The following SMYD3 variants were observed in gnomAD, a reference collection of about 807,000 sequenced individuals.
SMYD3 encodes the protein histone-lysine N-methyltransferase SMYD3.
In SMYD3, 36 loss-of-function variants were observed where a neutral mutation model predicts 57.7. The observed-to-expected ratio is 0.62, with a 90% CI of 0.48 to 0.82. The LOEUF is 0.82. SMYD3 is among the 40% of genes least tolerant of loss of function. SMYD3 has a pLI of 0.00. For synonymous variants in SMYD3, 211 were observed against 195.0 expected (o/e 1.08, Z -0.68); for missense variants, 515 against 538.8 (o/e 0.96, Z 0.44).
chr1:245,789,687 C>A (rs1168974017), intron 10 of SMYD3, among the ~76,000 whole-genome samples: 1 of 152,194 alleles, frequency 6.6e-6, no homozygotes, highest in Admixed American at 6.5e-5. Context: ...CTATTTCCAC[C>A]ATTTTCCAAT....
At chr1:246,237,299 C>G (rs1204245977) in intron 5 of SMYD3, among the ~76,000 whole-genome samples, 2 of 152,150 alleles carry the variant, frequency 1.3e-5, no homozygotes, top group African/African-American at 4.8e-5. Flanking sequence ...CTTTATTAAG[C>G]CTTTCCTGAC....
intron 8 of SMYD3, among the ~76,000 whole-genome samples, chr1:245,892,876 T>C (rs182777611): frequency 1.1e-4 from 17 of 152,258 alleles, no homozygotes; most frequent in Admixed American, 8.5e-4. Context: ...AAAATACTGA[T>C]AAACTAAACT....
intron 10 of SMYD3, among the ~76,000 whole-genome samples, chr1:245,792,210 G>A (rs980750814): frequency 3.3e-5 from 5 of 152,072 alleles, no homozygotes; most frequent in Admixed American, 6.6e-5. Context: ...GCTGGGTACC[G>A]CTCTAGATGA....
At chr1:245,902,862 A>G (rs75228218) in intron 8 of SMYD3, among the ~76,000 whole-genome samples, 19,044 of 152,238 alleles carry the variant, frequency 0.13, 1,254 homozygotes, top group East Asian at 0.29. Context: ...GTCATTCTCT[A>G]TGAAAGCCAA....
chr1:246,447,891 A>G (rs1460918845), intron 1 of SMYD3, among the ~76,000 whole-genome samples: 1 of 152,244 alleles, frequency 6.6e-6, no homozygotes, highest in East Asian at 1.9e-4. Context: ...TACAACAAGC[A>G]CTAATATACC....
At position 246,342,021 on chromosome 1, in the gene SMYD3, A is replaced by G. The variant is rs977587898; in HGVS notation, c.229-6547T>C. On this transcript the variant is annotated intron_variant, in intron 2 of 11. Coordinates refer to ENST00000490107, the MANE Select transcript of SMYD3 (RefSeq NM_001167740.2). ...ATAAAATTCTGAGTCTGTAACATCCATTCCTAACAAATATCTGAATTATGT... is the reference window on the plus strand; with the variant it reads ...ATAAAATTCTGAGTCTGTAACATCCGTTCCTAACAAATATCTGAATTATGT... 2.6e-5 allele frequency among the ~76,000 whole-genome samples: 4 copies of G among 152,324 alleles called. No homozygotes were observed. The South Asian group carries it at 6.2e-4, about 24-fold the overall frequency.
At chr1:245,937,001 C>A (rs920655249) in intron 5 of SMYD3, among the ~76,000 whole-genome samples, 1 of 152,078 alleles carries the variant, frequency 6.6e-6, no homozygotes, top group Admixed American at 6.6e-5. Context: ...CTTTGTAATA[C>A]AAGTCAAGTA....
chr1:245,909,558 C>CT (rs139813943), intron 8 of SMYD3, among the ~76,000 whole-genome samples: 3 of 151,904 alleles, frequency 2.0e-5, no homozygotes, highest in East Asian at 3.9e-4. Flanking sequence ...CATAGACACA[C>CT]TTTTTTTTCA....
intron 5 of SMYD3, among the ~76,000 whole-genome samples, chr1:246,023,783 C>G (rs1283353913): frequency 6.9e-6 from 1 of 144,172 alleles, no homozygotes; most frequent in African/African-American, 2.7e-5. Flanking sequence ...ACCTCAGAAC[C>G]CACTTCACAG....
chr1:246,193,439 G>C (rs977943164), intron 5 of SMYD3, among the ~76,000 whole-genome samples: 1 of 152,156 alleles, frequency 6.6e-6, no homozygotes, highest in African/African-American at 2.4e-5. Flanking sequence ...TTATTTGTAT[G>C]ATCTTTTACG....
intron 8 of SMYD3, among the ~76,000 whole-genome samples, chr1:245,899,576 A>G (rs1030184482): frequency 2.0e-5 from 3 of 152,240 alleles, no homozygotes; most frequent in East Asian, 1.9e-4. Flanking sequence ...AATCCAGCAG[A>G]GTAATCAAGT....
intron 5 of SMYD3, among the ~76,000 whole-genome samples, chr1:246,263,346 G>GAA (rs200878126): frequency 3.3e-5 from 4 of 120,734 alleles, no homozygotes; most frequent in Non-Finnish European, 6.9e-5. Flanking sequence ...GGATGTATGT[G>GAA]ACCTGGGCAC....
At chr1:246,347,766 A>G (rs923604812) in intron 2 of SMYD3, among the ~76,000 whole-genome samples, 2 of 152,110 alleles carry the variant, frequency 1.3e-5, no homozygotes, top group African/African-American at 4.8e-5. Flanking sequence ...ATCTTAATAT[A>G]GAACTTCCAG....
At chr1:246,238,547 TGGAACAG>T (rs1558339813) in intron 5 of SMYD3, among the ~76,000 whole-genome samples, 1 of 152,226 alleles carries the variant, frequency 6.6e-6, no homozygotes, top group African/African-American at 2.4e-5. Flanking sequence ...CTAAGTATTG[TGGAACAG>T]CTCCACAGGG....
chr1:246,424,907 G>A (rs2067196240), intron 1 of SMYD3, among the ~76,000 whole-genome samples: 1 of 152,002 alleles, frequency 6.6e-6, no homozygotes, highest in African/African-American at 2.4e-5. Flanking sequence ...ATACCCACTT[G>A]CAAAAATGTA....
chr1:245,977,421 G>T (rs553462527), intron 5 of SMYD3, among the ~76,000 whole-genome samples: 2 of 152,298 alleles, frequency 1.3e-5, no homozygotes, highest in East Asian at 3.9e-4. Flanking sequence ...GCTCACACCT[G>T]TAATCCCAGC....
At chr1:246,050,288 G>T (rs2060045366) in intron 5 of SMYD3, among the ~76,000 whole-genome samples, 1 of 152,178 alleles carries the variant, frequency 6.6e-6, no homozygotes. Flanking sequence ...AGTTCACAGA[G>T]ATAATGTTAC....
intron 8 of SMYD3, among the ~76,000 whole-genome samples, chr1:245,873,365 C>T (rs1572563451): frequency 6.6e-6 from 1 of 152,174 alleles, no homozygotes; most frequent in African/African-American, 2.4e-5. Flanking sequence ...GCTTAGGCTG[C>T]TGTAAGCCCA....
intron 2 of SMYD3, among the ~76,000 whole-genome samples, chr1:246,345,002 A>G (rs1192495135): frequency 6.6e-6 from 1 of 152,102 alleles, no homozygotes; most frequent in Non-Finnish European, 1.5e-5. Flanking sequence ...GGAGGGAAAC[A>G]GGGGGAAAGA....
Sources: gnomAD v4.1 joint callset for allele counts (sites outside exome capture counted in the v4.1 genomes callset) on GRCh38, gnomAD v4.1.1 for gene constraint, MANE v1.5 for transcripts, NCBI Gene and HGNC (gene_info 2026-07-23, HGNC 2026-07-21) for gene names.